Variants in PPEF1 observed in about 807,000 individuals in gnomAD.
PPEF1 encodes the protein serine/threonine-protein phosphatase with EF-hands 1.
In PPEF1, 12 loss-of-function variants were observed where a neutral mutation model predicts 53.3. The ratio of observed to expected loss-of-function variants is 0.23; its 90% CI spans 0.14 to 0.36. The LOEUF is 0.36. PPEF1 is among the 10% of genes least tolerant of loss of function. The pLI is 1.00. For missense variants in PPEF1, 334 were observed against 490.4 expected, an observed-to-expected ratio of 0.68 and a Z score of 3.01; for synonymous variants, 165 against 176.7, an observed-to-expected ratio of 0.93 and a Z score of 0.52.
chrX:18,722,501 ACTAT>A (rs2044610136), intron 1 of PPEF1, among the ~76,000 whole-genome samples: 1 of 112,365 alleles, frequency 8.9e-6, no homozygotes, highest in Admixed American at 9.5e-5. Context: ...TGTTTGAAGA[ACTAT>A]CTGTCAAATA....
upstream of PPEF1, among the ~76,000 whole-genome samples, chrX:18,706,732 C>T (rs760694727): frequency 1.7e-3 from 179 of 107,901 alleles, 1 homozygote; most frequent in African/African-American, 5.8e-3. Flanking sequence ...GGTAATAGAG[C>T]GAGACTCCGT....
intron 4 of PPEF1, among the ~76,000 whole-genome samples, chrX:18,696,824 C>T (rs767407772): frequency 9.9e-5 from 11 of 111,271 alleles, no homozygotes; most frequent in Admixed American, 1.9e-4. Context: ...TTTGGTGCTA[C>T]GGGGCTTCGA....
intron 5 of PPEF1, among the ~76,000 whole-genome samples, chrX:18,760,977 C>T (rs951581338): frequency 2.7e-5 from 3 of 109,718 alleles, no homozygotes; most frequent in Admixed American, 9.8e-5. Flanking sequence ...GACGGGGTTT[C>T]GCCGTGTTGA....
intron 7 of PPEF1, among the ~76,000 whole-genome samples, 186 bp from the exon 8 acceptor site, chrX:18,782,180 C>T (rs766121156): frequency 6.3e-5 from 7 of 111,478 alleles, no homozygotes; most frequent in African/African-American, 2.0e-4. Flanking sequence ...GGGATGATGT[C>T]GTTGGTTGCT....
chrX:18,792,840 T>A (rs1469890563), intron 10 of PPEF1, among the ~76,000 whole-genome samples: 1 of 111,793 alleles, frequency 8.9e-6, no homozygotes. Context: ...AAGGCCCTGT[T>A]ATAGAATTTC....
At chrX:18,824,108 C>T (rs1407710710) in intron 14 of PPEF1, 22 bp downstream of exon 14, 2 of 1,166,553 alleles carry the variant, frequency 1.7e-6, no homozygotes, top group Non-Finnish European at 1.2e-6. Flanking sequence ...ATAGCCCCAG[C>T]TAAAACCTAG....
intron 4 of PPEF1, among the ~76,000 whole-genome samples, chrX:18,753,769 T>G (rs1234409923): frequency 4.5e-5 from 5 of 112,098 alleles, no homozygotes; most frequent in Non-Finnish European, 9.4e-5. Flanking sequence ...GTTTTGCTTT[T>G]GTTATTGATG....
At chrX:18,741,772 CTTTTTTT>C (rs58971135) in intron 3 of PPEF1, among the ~76,000 whole-genome samples, 33 of 66,337 alleles carry the variant, frequency 5.0e-4, no homozygotes, top group African/African-American at 1.8e-3. Flanking sequence ...GCTGCTGCTT[CTTTTTTT>C]TTTTTTTTTT....
At chrX:18,705,807 A>T (rs1420402081), upstream of PPEF1, among the ~76,000 whole-genome samples, 2 of 112,137 alleles carry the variant, frequency 1.8e-5, no homozygotes, top group African/African-American at 6.5e-5. Flanking sequence ...TGGTCAGAAA[A>T]TCTGTTTACT....
chrX:18,683,734 C>A (rs533022626), intron 1 of PPEF1, among the ~76,000 whole-genome samples: 1 of 111,899 alleles, frequency 8.9e-6, no homozygotes, highest in South Asian at 3.8e-4. Flanking sequence ...GGTATCCCCC[C>A]TTTTGCCCAT....
chrX:18,719,151 A>C (rs1254788202), intron 1 of PPEF1, among the ~76,000 whole-genome samples: 1 of 111,897 alleles, frequency 8.9e-6, no homozygotes, highest in Non-Finnish European at 1.9e-5. Flanking sequence ...TAGTTTTTAA[A>C]AATTAATGTA....
intron 6 of PPEF1, among the ~76,000 whole-genome samples, chrX:18,771,332 T>C (rs2045866566): frequency 8.9e-6 from 1 of 111,819 alleles, no homozygotes; most frequent in African/African-American, 3.2e-5. Flanking sequence ...TCTTTAATAA[T>C]GAAGGCATTT....
chrX:18,707,713 G>T lies in PPEF1; in HGVS notation c.-68G>T. On this transcript the variant is annotated 5_prime_UTR_variant, in exon 1 of 16. Coordinates refer to ENST00000470157, the MANE Select transcript of PPEF1 (RefSeq NM_001377996.1). Reference sequence around the variant, plus strand: ...GTGGTTCCTCGCAGCTTAAAGGGAGGCACTTTTCACACTCTGTCTTAAAAT... The same window carrying T: ...GTGGTTCCTCGCAGCTTAAAGGGAGTCACTTTTCACACTCTGTCTTAAAAT... 9.7e-7 allele frequency: 1 copy of T among 1,028,755 alleles called. No homozygotes were observed. Among genetic ancestry groups the T allele is most frequent in the Non-Finnish European group, 1.4e-6 (1 of 731,835 alleles). 84.8% of individuals were successfully genotyped at this position (1,028,755 alleles called of 1,213,427 possible).
chrX:18,808,643 A>G (rs746782300), intron 12 of PPEF1, among the ~76,000 whole-genome samples: 5 of 111,342 alleles, frequency 4.5e-5, no homozygotes, highest in African/African-American at 6.5e-5. Flanking sequence ...GCCAACAGGT[A>G]TACGAAAAGA....
At chrX:18,786,660 G>C (rs2046207848) in intron 9 of PPEF1, among the ~76,000 whole-genome samples, 1 of 107,848 alleles carries the variant, frequency 9.3e-6, no homozygotes, top group Non-Finnish European at 1.9e-5. Flanking sequence ...GTGCACACCT[G>C]TAATCCCAGC....
intron 1 of PPEF1, among the ~76,000 whole-genome samples, chrX:18,715,018 T>C (rs1431473261): frequency 8.9e-6 from 1 of 111,852 alleles, no homozygotes; most frequent in Non-Finnish European, 1.9e-5. Flanking sequence ...TGAGAAAGCG[T>C]AACCTACATA....
intron 1 of PPEF1, among the ~76,000 whole-genome samples, chrX:18,708,662 G>A (rs955576145): frequency 5.4e-5 from 6 of 111,878 alleles, no homozygotes; most frequent in Admixed American, 2.9e-4. Flanking sequence ...TTAGGATGCA[G>A]AGTGTGCTAT....
intron 1 of PPEF1, among the ~76,000 whole-genome samples, chrX:18,721,692 A>T (rs1216056215): frequency 1.8e-5 from 2 of 111,649 alleles, no homozygotes; most frequent in Non-Finnish European, 3.8e-5. Context: ...ACAAAGTCAG[A>T]ACTTATTTTT....
intron 10 of PPEF1, among the ~76,000 whole-genome samples, chrX:18,791,437 G>A (rs759648508): frequency 2.7e-5 from 3 of 111,566 alleles, no homozygotes; most frequent in Non-Finnish European, 3.8e-5. Context: ...TTTATTCCTA[G>A]GTGTTTTTGA....
Sources: gnomAD v4.1 joint callset for allele counts (sites outside exome capture counted in the v4.1 genomes callset) on GRCh38, gnomAD v4.1.1 for gene constraint, MANE v1.5 for transcripts, NCBI Gene and HGNC (gene_info 2026-07-23, HGNC 2026-07-21) for gene names.